Variants in ACKR2 observed in about 807,000 individuals in gnomAD.
ACKR2 encodes C-C chemokine receptor D6.
For missense variants in ACKR2, 457 were observed against 477.3 expected (o/e 0.96, Z 0.40); for synonymous variants, 207 against 192.2 (o/e 1.08, Z -0.64).
At chr3:42,818,364 G>A (rs952404927) in intron 1 of ACKR2, among the ~76,000 whole-genome samples, 2 of 152,188 alleles carry the variant, frequency 1.3e-5, no homozygotes, top group African/African-American at 2.4e-5. Flanking sequence ...AGTGACATCT[G>A]AGCAGAGAAC....
chr3:42,840,660 A>G (rs1701027757), intron 2 of ACKR2, among the ~76,000 whole-genome samples: 1 of 152,182 alleles, frequency 6.6e-6, no homozygotes, highest in Non-Finnish European at 1.5e-5. Context: ...ATGATACTCT[A>G]TGTTGAGTGT....
chr3:42,817,565 C>A (rs575711447), intron 1 of ACKR2, among the ~76,000 whole-genome samples: 27 of 152,214 alleles, frequency 1.8e-4, no homozygotes, highest in Non-Finnish European at 3.4e-4. Flanking sequence ...GTAATTTCAG[C>A]CTCTCCTCGC....
chr3:42,865,894 GCTTC>G lies in ACKR2; in HGVS notation c.*255_*258del, dbSNP rs574486278. On this transcript the variant is annotated 3_prime_UTR_variant, in exon 3 of 3. Coordinates refer to ENST00000422265, the MANE Select transcript of ACKR2 (RefSeq NM_001296.5). The stretch of plus-strand genomic sequence containing the variant: ...TACAATCTTTCTTCCTTCCTTCCTT[GCTTC>G]CTTCCTTCCTTCCTTCCCTCTCTCC... The G allele has an allele frequency of 3.5e-4, 164 of 469,190 alleles. No homozygotes were observed. The highest frequency in any genetic ancestry group is 5.3e-4 in the Admixed American group (13 of 24,758). The allele number at this position is 469,190 out of a possible 1,614,324, so 29.1% of individuals were successfully genotyped here. A position where few individuals can be genotyped will look rare whatever the true frequency, so the allele number is the denominator to read the frequency against.
intron 2 of ACKR2, among the ~76,000 whole-genome samples, chr3:42,822,129 T>C (rs1412087559): frequency 6.6e-6 from 1 of 151,384 alleles, no homozygotes; most frequent in Non-Finnish European, 1.5e-5. Flanking sequence ...TTTATATGCA[T>C]TGACTTCTAG....
intron 2 of ACKR2, among the ~76,000 whole-genome samples, chr3:42,854,115 G>A (rs1701193215): frequency 1.3e-5 from 2 of 152,266 alleles, no homozygotes; most frequent in Admixed American, 1.3e-4. Flanking sequence ...AGACACAAAA[G>A]AGGGTTCGCT....
At chr3:42,847,777 C>T (rs2125616943) in intron 2 of ACKR2, among the ~76,000 whole-genome samples, 1 of 152,164 alleles carries the variant, frequency 6.6e-6, no homozygotes, top group East Asian at 1.9e-4. Context: ...GGATCTGGGG[C>T]TACCTGGCCA....
At chr3:42,827,203 G>A (rs1700876971) in intron 2 of ACKR2, among the ~76,000 whole-genome samples, 2 of 152,176 alleles carry the variant, frequency 1.3e-5, no homozygotes, top group South Asian at 4.1e-4. Flanking sequence ...CAGTTGTTGG[G>A]TGGAGTGTCT....
At chr3:42,856,161 A>C in intron 2 of ACKR2, 1 of 498,806 alleles carries the variant, frequency 2.0e-6, no homozygotes, top group Non-Finnish European at 3.5e-6. Flanking sequence ...CAGGAAGACC[A>C]GCAGAAAAAG....
chr3:42,817,470 C>G (rs1276524552), intron 1 of ACKR2, among the ~76,000 whole-genome samples: 1 of 152,088 alleles, frequency 6.6e-6, no homozygotes. Flanking sequence ...GGGTACCCTC[C>G]TCCCACTGAA....
chr3:42,845,658 C>A (rs1332061365), intron 2 of ACKR2, among the ~76,000 whole-genome samples: 6 of 151,596 alleles, frequency 4.0e-5, no homozygotes, highest in Admixed American at 6.6e-5. Flanking sequence ...GTGCCTTAAC[C>A]CCTAGGGAAA....
At chr3:42,843,072 A>G (rs1399403208) in intron 2 of ACKR2, among the ~76,000 whole-genome samples, 1 of 115,614 alleles carries the variant, frequency 8.6e-6, no homozygotes, top group Admixed American at 9.8e-5. Context: ...TTATTTATTT[A>G]TTATTCATTA....
intron 2 of ACKR2, among the ~76,000 whole-genome samples, chr3:42,826,363 C>G (rs1016793984): frequency 6.6e-6 from 1 of 151,984 alleles, no homozygotes; most frequent in Admixed American, 6.6e-5. Context: ...TAGAATTTAC[C>G]AGTGAAGTCA....
intron 1 of ACKR2, among the ~76,000 whole-genome samples, chr3:42,813,892 A>G (rs1342910038): frequency 6.6e-6 from 1 of 152,362 alleles, no homozygotes; most frequent in East Asian, 1.9e-4. Flanking sequence ...TCGCAGTATC[A>G]TTAATGACCC....
At chr3:42,810,183 A>C (rs1700680755) in intron 1 of ACKR2, among the ~76,000 whole-genome samples, 1 of 152,214 alleles carries the variant, frequency 6.6e-6, no homozygotes, top group South Asian at 2.1e-4. Context: ...TTAATTGCAG[A>C]ATATCTTTCA....
intron 1 of ACKR2, among the ~76,000 whole-genome samples, chr3:42,812,680 C>CTTTTTTTTTTTTTTTTT (rs71616070): frequency 1.1e-4 from 8 of 72,758 alleles, no homozygotes; most frequent in East Asian, 4.9e-4. Context: ...AATTTTCAGC[C>CTTTTTTTTTTTTTTTTT]TTTTTTTTTT....
At chr3:42,860,189 A>ACAAAAC (rs376833790) in intron 2 of ACKR2, among the ~76,000 whole-genome samples, 1 of 111,520 alleles carries the variant, frequency 9.0e-6, no homozygotes, top group Non-Finnish European at 1.9e-5. Flanking sequence ...AAAAAAAAAA[A>ACAAAAC]GCAGGGGATG....
At position 42,864,816 on chromosome 3, in the gene ACKR2, C is replaced by T; in HGVS notation, c.314C>T (p.Ser105Phe). The change falls in exon 3 of 3, where the codon TCC becomes TTC. Residue 105 changes from serine (S) to phenylalanine (F), a missense_variant. Coordinates refer to ENST00000422265, the MANE Select transcript of ACKR2 (RefSeq NM_001296.5). Reference sequence around the variant, plus strand: ...GTGACACTGCCCTTCTGGGGCATCTCCGTGGCCTGGCATTGGGTCTTCGGG... The same window carrying T: ...GTGACACTGCCCTTCTGGGGCATCTTCGTGGCCTGGCATTGGGTCTTCGGG... ...FLVTLPFWGI[S>F]VAWHWVFGSF... 1 of 1,614,188 alleles carries T rather than the reference C, an allele frequency of 6.2e-7. No individual in the cohort carries two copies. The highest frequency in any genetic ancestry group is 1.1e-5 in the South Asian group (1 of 91,074).
At chr3:42,820,478 A>C (rs1437094573) in intron 2 of ACKR2, among the ~76,000 whole-genome samples, 1 of 151,658 alleles carries the variant, frequency 6.6e-6, no homozygotes, top group African/African-American at 2.4e-5. Flanking sequence ...CTGTAGTCCC[A>C]GCTATTCTGG....
intron 2 of ACKR2, among the ~76,000 whole-genome samples, chr3:42,851,904 C>A (rs887433116): frequency 2.0e-5 from 3 of 152,170 alleles, no homozygotes; most frequent in African/African-American, 7.2e-5. Context: ...TGCTCCTTTC[C>A]CAAATTCTTG....
Sources: gnomAD v4.1 joint callset for allele counts (sites outside exome capture counted in the v4.1 genomes callset) on GRCh38, gnomAD v4.1.1 for gene constraint, MANE v1.5 for transcripts, NCBI Gene and HGNC (gene_info 2026-07-23, HGNC 2026-07-21) for gene names.